Variants in SHD observed in about 807,000 individuals in gnomAD.
SHD encodes SH2 domain-containing adapter protein D.
Under a neutral mutation model 31.2 loss-of-function variants are expected in SHD, and 29 were observed. The ratio of observed to expected loss-of-function variants is 0.93; its 90% confidence interval spans 0.69 to 1.27. The LOEUF is 1.27. Among genes scored for constraint, SHD ranks in the 50% most tolerant of loss-of-function variants. The pLI, the probability that SHD is intolerant of heterozygous loss-of-function variation, is 0.00. For synonymous variants in SHD, 208 were observed against 187.8 expected (o/e 1.11, Z -0.88); for missense variants, 520 against 453.8 (o/e 1.15, Z -1.33).
intron 5 of SHD, among the ~76,000 whole-genome samples, chr19:4,289,557 T>C (rs183856724): frequency 6.7e-6 from 1 of 149,200 alleles, no homozygotes; most frequent in East Asian, 2.0e-4. Flanking sequence ...CTTATTATTA[T>C]TATTATTTAT....
intron 4 of SHD, 175 bp from the exon 5 acceptor site, chr19:4,288,068 A>AT (rs1568369897): frequency 9.5e-5 from 59 of 623,232 alleles, no homozygotes; most frequent in South Asian, 2.9e-4. Flanking sequence ...CGCCCGGCTA[A>AT]TTTTTTTTGT....
chr19:4,288,471 G>C (rs1306753913), intron 5 of SHD, 109 bp downstream of exon 5: 3 of 1,362,738 alleles, frequency 2.2e-6, no homozygotes, highest in Non-Finnish European at 2.9e-6. Flanking sequence ...CATAGGGAAG[G>C]GCTTCCAGGT....
chr19:4,280,436 A>C (rs1199046836), intron 1 of SHD, 76 bp downstream of exon 1: 1 of 1,440,726 alleles, frequency 6.9e-7, no homozygotes, highest in South Asian at 1.4e-5. Flanking sequence ...TGGAGAGCTT[A>C]TTTTATGTGT....
chr19:4,285,054 G>A (rs1403214215), intron 4 of SHD, 150 bp downstream of exon 4: 1 of 1,029,066 alleles, frequency 9.7e-7, no homozygotes, highest in Non-Finnish European at 1.3e-6. Context: ...AATCTTTACG[G>A]GCTCCAGAGC....
chr19:4,281,520 G>C (rs899203355), intron 1 of SHD, among the ~76,000 whole-genome samples: 2 of 148,774 alleles, frequency 1.3e-5, no homozygotes, highest in Non-Finnish European at 1.5e-5. Context: ...CACTTTGGGA[G>C]GCCAAGGCAG....
intron 3 of SHD, 131 bp downstream of exon 3, chr19:4,283,373 C>A: frequency 1.0e-6 from 1 of 970,388 alleles, no homozygotes; most frequent in Non-Finnish European, 1.5e-6. Context: ...TTAATTCTCA[C>A]TAGAGTGTGA....
In SHD at chr19:4,284,904, C is replaced by T. The variant is rs1381709270; in HGVS notation, c.716C>T (p.Pro239Leu). 27 of 1,589,572 alleles carry T rather than the reference C, an allele frequency of 1.7e-5. No homozygotes were observed. Among genetic ancestry groups the T allele is most frequent in the Non-Finnish European group, 2.3e-5 (27 of 1,165,330 alleles). Reference sequence around the variant, plus strand: ...CCAGCCCTGCCCCTGGAGAAACAGCCGTGAGTGGGGAAGCTGAAGGTGGAA... The same window carrying T: ...CCAGCCCTGCCCCTGGAGAAACAGCTGTGAGTGGGGAAGCTGAAGGTGGAA... ...VDPALPLEKQ[P>L]WFHGPLNRAD... is the part of the protein sequence containing the mutation. The change falls in exon 4 of 6, where the codon CCG (proline) becomes CTG (leucine). Residue 239 changes from proline (P) to leucine (L), a missense_variant and splice_region_variant. Pro to Leu is a moderately conservative substitution (Grantham distance 98). Coordinates refer to ENST00000543264, the MANE Select transcript of SHD (RefSeq NM_020209.4).
chr19:4,283,121 T>TGGACC lies in SHD; in HGVS notation c.472_476dup (p.Pro160AspfsTer88). Reference sequence around the variant, plus strand: ...AGGAACAGGACCCAGAGACAGCAGATGGACCCCCTTCTGGGCAGAAGCCTC... The same window carrying TGGACC: ...AGGAACAGGACCCAGAGACAGCAGATGGACCGGACCCCCTTCTGGGCAGAAGCCTC... On this transcript the variant is annotated frameshift_variant, in exon 3 of 6. Transcript: ENST00000543264. LOFTEE classifies it high-confidence loss of function. 1.2e-6 allele frequency: 2 copies of TGGACC among 1,614,148 alleles called. No individual in the cohort carries two copies. Among genetic ancestry groups the TGGACC allele is most frequent in the Non-Finnish European group, 1.7e-6 (2 of 1,180,008 alleles).
Position 4,279,921 on chromosome 19 carries a change from C to T in SHD, c.-143C>T. On this transcript the variant is annotated 5_prime_UTR_variant, in exon 1 of 6. Transcript: ENST00000543264. The surrounding 1 kb of genome is among the most constrained non-coding windows in gnomAD (Gnocchi z 7.5). The stretch of plus-strand genomic sequence containing the variant: ...TTCCCTCTATCCATCCAGAGCCCCG[C>T]CAAAGGGCGCACCTGATCTTTCTCA... 2 of 1,042,804 alleles carry T rather than the reference C, an allele frequency of 1.9e-6. No individual in the cohort carries two copies. Among genetic ancestry groups the T allele is most frequent in the Non-Finnish European group, 2.7e-6 (2 of 731,408 alleles). 64.6% of individuals were successfully genotyped at this position (1,042,804 alleles called of 1,614,324 possible). A position where few individuals can be genotyped will look rare whatever the true frequency, so the allele number is the denominator to read the frequency against.
chr19:4,283,006 A>C, intron 2 of SHD, 31 bp downstream of exon 2: 1 of 1,614,060 alleles, frequency 6.2e-7, no homozygotes, highest in Non-Finnish European at 8.5e-7. Context: ...GGAAGGTGAC[A>C]GGGTCCCAGA....
rs538192259 is a variant in SHD at position 4,283,343 on chromosome 19, C to T, written c.592+101C>T. 431 of 1,222,778 alleles carry T rather than the reference C, an allele frequency of 3.5e-4. 1 individual carries two copies. Among genetic ancestry groups the T allele is most frequent in the Middle Eastern group, 7.2e-4 (3 of 4,152 alleles). The allele number at this position is 1,222,778 out of a possible 1,614,324, so 75.7% of individuals were successfully genotyped here. ...CAGTTTACAAAGTAGAGTCCAATTA[C>T]TTGTCACTTTTGTAGTTTGTTAATT... On this transcript the variant is annotated intron_variant, in intron 3 of 5. Transcript: ENST00000543264.
Position 4,279,800 on chromosome 19 carries a change from C to T in SHD, c.-264C>T. 2.0e-6 allele frequency: 1 copy of T among 509,966 alleles called. No homozygotes were observed. The highest frequency in any genetic ancestry group is 3.4e-6 in the Non-Finnish European group (1 of 290,454). 31.6% of individuals were successfully genotyped at this position (509,966 alleles called of 1,614,324 possible). Reference sequence around the variant, plus strand: ...GGGGTTCGGGGCCCTGCGAGGTCCCCCCTTCCCCCGCGGTGCTTCCCAAGC... The same window carrying T: ...GGGGTTCGGGGCCCTGCGAGGTCCCTCCTTCCCCCGCGGTGCTTCCCAAGC... On this transcript the variant is annotated 5_prime_UTR_variant, in exon 1 of 6. Coordinates refer to ENST00000543264, the MANE Select transcript of SHD (RefSeq NM_020209.4). This position sits in a 1 kb window ranked among gnomAD's most constrained non-coding sequence, Gnocchi z 7.5.
At chr19:4,283,832 C>T (rs980009724) in intron 3 of SHD, among the ~76,000 whole-genome samples, 1 of 150,698 alleles carries the variant, frequency 6.6e-6, no homozygotes, top group Non-Finnish European at 1.5e-5. Flanking sequence ...CCCGCCTCGG[C>T]CTCCCAAAGT....
rs759451216 is a variant in SHD at position 4,280,085 on chromosome 19, T to G, written c.22T>G (p.Tyr8Asp). 6.2e-7 allele frequency: 1 copy of G among 1,609,978 alleles called. No homozygotes were observed. Among genetic ancestry groups the G allele is most frequent in the Non-Finnish European group, 8.5e-7 (1 of 1,178,590 alleles). Residue 8 changes from tyrosine to aspartate, a missense_variant, in exon 1 of 6, where the codon TAC becomes GAC. Physicochemically the swap from Tyr to Asp is radical, Grantham distance 160 (BLOSUM62 -3). Coordinates refer to ENST00000543264, the MANE Select transcript of SHD (RefSeq NM_020209.4). MAKWLRD[Y>D]LSFGGRRPPP... The stretch of plus-strand genomic sequence containing the variant: ...CCAAATGGCCAAGTGGCTACGGGAC[T>G]ACCTGAGCTTTGGGGGTCGGAGGCC...
At chr19:4,284,613 G>T in intron 3 of SHD, 168 bp from the exon 4 acceptor site, 1 of 697,390 alleles carries the variant, frequency 1.4e-6, no homozygotes, top group Non-Finnish European at 2.1e-6. Flanking sequence ...AAGGCCAAAA[G>T]GTTGCACCTG....
chr19:4,287,393 G>C (rs1599515733), intron 4 of SHD, among the ~76,000 whole-genome samples: 1 of 152,004 alleles, frequency 6.6e-6, no homozygotes, highest in South Asian at 2.1e-4. Context: ...ACAAGATGAA[G>C]CACCACTTTT....
chr19:4,285,246 G>T (rs1184143251), intron 4 of SHD, among the ~76,000 whole-genome samples: 1 of 152,148 alleles, frequency 6.6e-6, no homozygotes, highest in Non-Finnish European at 1.5e-5. Context: ...CCTTAACTTG[G>T]GTGGGGCTTA....
At chr19:4,286,298 TCCTTCCTTCCTTCCTTCCTA>T (rs1039726950) in intron 4 of SHD, among the ~76,000 whole-genome samples, 1 of 140,688 alleles carries the variant, frequency 7.1e-6, no homozygotes, top group Non-Finnish European at 1.5e-5. Context: ...TTTCCTTCCT[TCCTTCCTTCCTTCCTTCCTA>T]CCTTCCTTCC....
intron 4 of SHD, among the ~76,000 whole-genome samples, chr19:4,285,844 G>A (rs767586517): frequency 6.7e-5 from 10 of 148,472 alleles, no homozygotes; most frequent in South Asian, 2.1e-4. Context: ...CACCCCGCCC[G>A]GCCCTTCCTC....
Sources: gnomAD v4.1 joint callset for allele counts (sites outside exome capture counted in the v4.1 genomes callset) on GRCh38, gnomAD v4.1.1 for gene constraint, Gnocchi (gnomAD v3.1) non-coding constraint, MANE v1.5 for transcripts, NCBI Gene and HGNC (gene_info 2026-07-23, HGNC 2026-07-21) for gene names.